MSS51: variants seen among roughly 807,000 people sequenced by gnomAD.
MSS51 encodes MSS51 mitochondrial translational activator, also known as putative protein MSS51 homolog, mitochondrial.
A neutral mutation model predicts 40.2 loss-of-function variants in MSS51; 32 were observed. The ratio of observed to expected loss-of-function variants is 0.80; its 90% CI spans 0.60 to 1.07. The LOEUF (loss-of-function observed/expected upper bound fraction) is 1.07, where lower values mean the gene tolerates loss of function less well. Among genes scored for constraint, MSS51 ranks in the 50% least tolerant of loss-of-function variants. MSS51 has a pLI of 0.00. For missense variants in MSS51, 518 were observed against 568.9 expected (o/e 0.91, Z 0.91); for synonymous variants, 178 against 214.2 (o/e 0.83, Z 1.48).
rs754172848 is a variant in MSS51 at position 73,427,746 on chromosome 10, G to A, written c.244C>T (p.Pro82Ser). Reference sequence around the variant, plus strand: ...CATCGAAATCCAAAGCCTGATACGGGGGTACCCCCATCTACCACCAACCTG... The same window carrying A: ...CATCGAAATCCAAAGCCTGATACGGAGGTACCCCCATCTACCACCAACCTG... ...EYKLVVDGGTPVSGFGFRCPQ... is the reference protein window; with the variant it reads ...EYKLVVDGGTSVSGFGFRCPQ... The change falls in exon 3 of 7, where the codon CCC becomes TCC. Residue 82 changes from proline to serine, a missense_variant. Pro to Ser is a moderately conservative substitution (Grantham distance 74, BLOSUM62 -1). Transcript: ENST00000299432. The A allele has an allele frequency of 2.5e-6, 4 of 1,614,092 alleles. No individual in the cohort carries two copies. Among genetic ancestry groups the A allele is most frequent in the Non-Finnish European group, 3.4e-6 (4 of 1,179,998 alleles).
rs2055968958 is a variant in MSS51, at chr10:73,424,744, T to A, written c.1192A>T (p.Ile398Phe). The A allele has an allele frequency of 6.2e-7, 1 of 1,614,022 alleles. No individual in the cohort carries two copies. The highest frequency in any genetic ancestry group is 1.3e-5 in the African/African-American group (1 of 75,012). ...SHQELVSSLQ[I>F]LVELDTHITA... is the part of the protein sequence containing the mutation. ...ATGTGTGTATCCAGTTCCACCAGAA[T>A]CTGCAAAGAGGATACCAACTCCTGA... The change falls in exon 7 of 7, where the codon ATT (isoleucine) becomes TTT (phenylalanine). Residue 398 changes from isoleucine (I) to phenylalanine (F), a missense_variant. By Grantham distance (21) the Ile-to-Phe change is conservative. Transcript: ENST00000299432.
Position 73,425,884 on chromosome 10 carries a change from G to GT in MSS51, c.995dup (p.Tyr332Ter), listed in dbSNP as rs2055982329. 1 of 1,614,016 alleles carries GT rather than the reference G, an allele frequency of 6.2e-7. No individual in the cohort carries two copies. The highest frequency in any genetic ancestry group is 1.1e-5 in the South Asian group (1 of 91,088). The change falls in exon 5 of 7, where the codon TAC becomes TAAC. Residue 332 changes from tyrosine (Y) to a stop codon, truncating the protein, a stop_gained and frameshift_variant. Transcript: ENST00000299432. LOFTEE classifies it high-confidence loss of function. ...CTACTTGCTCCTCCCAGAAGTCATG[G>GT]TAGAGGCCCCTGTGGGCACTAAGCT... ...TIQLSAHRGL[Y>*]HDFWEEQVET...
Position 73,424,387 on chromosome 10 carries a change from A to T in MSS51, c.*166T>A. 1.6e-6 allele frequency: 1 copy of T among 619,580 alleles called. No homozygotes were observed. Among genetic ancestry groups the T allele is most frequent in the Non-Finnish European group, 2.9e-6 (1 of 350,806 alleles). 38.4% of individuals were successfully genotyped at this position (619,580 alleles called of 1,614,324 possible). On this transcript the variant is annotated 3_prime_UTR_variant, in exon 7 of 7. Transcript: ENST00000299432. ...GCAAGACTCCATCTCAAAAAAAGAAAGAAACCAGTTATGTTATACAGAAAC... is the reference window on the plus strand; with the variant it reads ...GCAAGACTCCATCTCAAAAAAAGAATGAAACCAGTTATGTTATACAGAAAC...
chr10:73,425,376 A>C (rs572143571), intron 5 of MSS51, among the ~76,000 whole-genome samples, 185 bp from the exon 6 acceptor site: 1 of 152,244 alleles, frequency 6.6e-6, no homozygotes, highest in South Asian at 2.1e-4. Context: ...GCAAATTATC[A>C]AGAAAAGTTG....
At chr10:73,427,913 T>G in intron 2 of MSS51, 145 bp from the exon 3 acceptor site, 1 of 1,207,760 alleles carries the variant, frequency 8.3e-7, no homozygotes, top group Non-Finnish European at 1.2e-6. Flanking sequence ...GAATGTTTCT[T>G]CTTTTATAGT....
chr10:73,429,958 T>C (rs1298959199), intron 1 of MSS51, among the ~76,000 whole-genome samples: 1 of 152,246 alleles, frequency 6.6e-6, no homozygotes, highest in East Asian at 1.9e-4. Flanking sequence ...GCTTTCTTCA[T>C]GAAGCAGGTG....
chr10:73,425,074 T>C, intron 6 of MSS51, 24 bp downstream of exon 6: 1 of 1,565,544 alleles, frequency 6.4e-7, no homozygotes, highest in Non-Finnish European at 8.8e-7. Context: ...CAGGGAAGTA[T>C]CACAAATAGG....
rs2055973473 is a variant in MSS51 at position 73,425,202 on chromosome 10, A to G, written c.1070-11T>C. ...GGGAGGAATGAAAACCTGTGGAACA[A>G]AAATGAAAATGGGAATAGGGAAAGA... On this transcript the variant is annotated splice_polypyrimidine_tract_variant and intron_variant, in intron 5 of 6. Transcript: ENST00000299432. 1 of 1,559,998 alleles carries G rather than the reference A, an allele frequency of 6.4e-7. No homozygotes were observed. Among genetic ancestry groups the G allele is most frequent in the African/African-American group, 1.4e-5 (1 of 72,368 alleles).
At chr10:73,431,162 G>A (rs948487326) in intron 1 of MSS51, among the ~76,000 whole-genome samples, 1 of 152,150 alleles carries the variant, frequency 6.6e-6, no homozygotes, top group African/African-American at 2.4e-5. Context: ...TAATGGTTAT[G>A]GGGTCTTCTT....
intron 6 of MSS51, 58 bp downstream of exon 6, chr10:73,425,040 T>G (rs907643463): frequency 7.3e-7 from 1 of 1,367,638 alleles, no homozygotes; most frequent in African/African-American, 1.4e-5. Flanking sequence ...AATGAGCTCA[T>G]CTATATAAAG....
Position 73,426,176 on chromosome 10 carries a change from A to G in MSS51, c.704T>C (p.Leu235Pro), listed in dbSNP as rs2055986570. ...GGGCCGTGACAGGACATCTGTCAGC[A>G]GCCGCTTCAAAGATCCCTGCAGGAC... ...PDVLQGSLKRLLTDVLSRPLT... is the reference protein window; with the variant it reads ...PDVLQGSLKRPLTDVLSRPLT... The change falls in exon 5 of 7, where the codon CTG (leucine) becomes CCG (proline). Residue 235 changes from leucine to proline, a missense_variant. Physicochemically the swap from Leu to Pro is moderately conservative, Grantham distance 98. Coordinates refer to ENST00000299432, the MANE Select transcript of MSS51 (RefSeq NM_001024593.2). The G allele has an allele frequency of 2.5e-6, 4 of 1,614,220 alleles. No homozygotes were observed. Among genetic ancestry groups the G allele is most frequent in the African/African-American group, 1.3e-5 (1 of 75,064 alleles).
At chr10:73,429,206 CA>C (rs891035710) in intron 1 of MSS51, among the ~76,000 whole-genome samples, 12 of 143,656 alleles carry the variant, frequency 8.4e-5, no homozygotes, top group South Asian at 2.2e-4. Flanking sequence ...AACTCTGTCT[CA>C]AAAAAAAAAG....
At chr10:73,426,838 G>T in intron 3 of MSS51, 107 bp from the exon 4 acceptor site, 2 of 1,344,726 alleles carry the variant, frequency 1.5e-6, no homozygotes, top group Non-Finnish European at 2.0e-6. Flanking sequence ...GGTAAGGAAG[G>T]TAGGGAGAGG....
intron 2 of MSS51, 93 bp from the exon 3 acceptor site, chr10:73,427,861 C>A: frequency 6.9e-7 from 1 of 1,443,762 alleles, no homozygotes; most frequent in East Asian, 2.3e-5. Context: ...CACATTTCCA[C>A]TTACTCCTAT....
chr10:73,432,086 T>C (rs1337329484), intron 1 of MSS51, among the ~76,000 whole-genome samples: 1 of 152,242 alleles, frequency 6.6e-6, no homozygotes, highest in Non-Finnish European at 1.5e-5. Flanking sequence ...TCACCCAGGC[T>C]GGAGTGCAGT....
rs759132138 is a variant in MSS51 at position 73,424,779 on chromosome 10, A to G, written c.1164-7T>C. On this transcript the variant is annotated splice_region_variant and splice_polypyrimidine_tract_variant and intron_variant, in intron 6 of 6. Transcript: ENST00000299432. ...GGATACCAACTCCTGATGGCTGTAG[A>G]AGAGAGAGAAGAAAAATTACTCTAC... The G allele has an allele frequency of 2.5e-6, 4 of 1,603,900 alleles. No homozygotes were observed. The African/African-American group carries it at 4.0e-5, about 16-fold the overall frequency.
rs1310934159 is a variant in MSS51 at position 73,433,497 on chromosome 10, G to A, written c.-18+16C>T. 2.0e-5 allele frequency: 3 copies of A among 151,994 alleles called. No homozygotes were observed. The highest frequency in any genetic ancestry group is 2.9e-5 in the Non-Finnish European group (2 of 68,012). 9.4% of individuals were successfully genotyped at this position (151,994 alleles called of 1,614,324 possible). On this transcript the variant is annotated intron_variant, in intron 1 of 6. Transcript: ENST00000299432. ...AAACTAAGCAAGCAGACAGGTTGAC[G>A]GAAAAAAAAACTTACCCTGCTAAGT...
Position 73,425,800 on chromosome 10 carries a change from A to G in MSS51, c.1069+11T>C, listed in dbSNP as rs754095815. 2.5e-6 allele frequency: 4 copies of G among 1,603,344 alleles called. No individual in the cohort carries two copies. In the African/African-American group the frequency reaches 5.4e-5, roughly 21 times the overall value. On this transcript the variant is annotated intron_variant, in intron 5 of 6. Coordinates refer to ENST00000299432, the MANE Select transcript of MSS51 (RefSeq NM_001024593.2). ...AGCCACCCTCTATTCCCCTGAACCA[A>G]TGACTCTTACCTGGATGGAATGCCG...
chr10:73,427,651 A>T lies in MSS51; in HGVS notation c.339T>A (p.Ser113Arg), dbSNP rs1439415003. 6.2e-7 allele frequency: 1 copy of T among 1,613,922 alleles called. No homozygotes were observed. The highest frequency in any genetic ancestry group is 8.5e-7 in the Non-Finnish European group (1 of 1,179,928). Residue 113 changes from serine (S) to arginine (R), a missense_variant, in exon 3 of 7, where the codon AGT becomes AGA. Ser to Arg is a moderately radical substitution (Grantham distance 110). Transcript: ENST00000299432. The stretch of plus-strand genomic sequence containing the variant: ...GGAGAACCTTGGAGTCTGAAAGCCC[A>T]CTAGGGAGTGCTCTACAGTGAGCAC... ...RFCAHCRALP[S>R]GLSDSKVLRH...
Sources: allele counts gnomAD v4.1 joint callset (sites outside exome capture counted in the v4.1 genomes callset), GRCh38; gene constraint gnomAD v4.1.1; transcripts MANE v1.5; gene names NCBI Gene and HGNC (gene_info 2026-07-23, HGNC 2026-07-21).